The following ATRNL1 variants were observed in gnomAD, a reference collection of about 807,000 sequenced individuals.
The protein encoded by ATRNL1 is attractin like 1, also known as attractin-like protein 1.
Under a neutral mutation model 182.7 loss-of-function variants are expected in ATRNL1, and 95 were observed. The ratio of observed to expected loss-of-function variants is 0.52; its 90% CI spans 0.44 to 0.62. The LOEUF is 0.62. Ranked by LOEUF, ATRNL1 falls within the 20% of genes least tolerant of loss-of-function variation. The probability of loss-of-function intolerance (pLI) is 0.00; values close to 1 mark genes in which losing one functional copy is unlikely to be tolerated. For synonymous variants in ATRNL1, 576 were observed against 568.3 expected (o/e 1.01, Z -0.19); for missense variants, 1,471 against 1,679.5 (o/e 0.88, Z 2.17).
intron 19 of ATRNL1, among the ~76,000 whole-genome samples, chr10:115,369,834 G>A (rs150836530): frequency 2.0e-5 from 3 of 152,158 alleles, no homozygotes; most frequent in Non-Finnish European, 2.9e-5. Context: ...AAATGATGTG[G>A]AATATCTTTT....
intron 28 of ATRNL1, among the ~76,000 whole-genome samples, chr10:115,910,998 ATTAT>A (rs543879907): frequency 6.6e-6 from 1 of 151,864 alleles, no homozygotes; most frequent in African/African-American, 2.4e-5. Context: ...TGTATTTTTC[ATTAT>A]TTATTTATTT....
At chr10:115,824,409 A>AAAACC (rs1950377176) in intron 27 of ATRNL1, among the ~76,000 whole-genome samples, 1 of 152,212 alleles carries the variant, frequency 6.6e-6, no homozygotes, top group Admixed American at 6.5e-5. Context: ...AATGGCAACA[A>AAAACC]AAACCAAAAC....
intron 19 of ATRNL1, among the ~76,000 whole-genome samples, chr10:115,337,677 T>A (rs567316077): frequency 6.6e-6 from 1 of 152,210 alleles, no homozygotes; most frequent in Non-Finnish European, 1.5e-5. Flanking sequence ...TTATTTCACT[T>A]AACATAGTGA....
At chr10:115,760,522 A>G (rs1203273292) in intron 27 of ATRNL1, among the ~76,000 whole-genome samples, 1 of 152,166 alleles carries the variant, frequency 6.6e-6, no homozygotes, top group Non-Finnish European at 1.5e-5. Context: ...AGTAGAGCAC[A>G]TTATTTCCTA....
Position 115,549,467 on chromosome 10 carries a change from A to G in ATRNL1, c.3726A>G (p.Leu1242=), listed in dbSNP as rs782448078. 5 of 1,598,424 alleles carry G rather than the reference A, an allele frequency of 3.1e-6. No individual in the cohort carries two copies. Among genetic ancestry groups the G allele is most frequent in the South Asian group, 2.3e-5 (2 of 88,302 alleles). ...GTGTTTTATTTTCCAGTTGTTTCCTATCCTTATTGCTGGTGGCTGCTGTGG... is the reference window on the plus strand; with the variant it reads ...GTGTTTTATTTTCCAGTTGTTTCCTGTCCTTATTGCTGGTGGCTGCTGTGG... ...QFFVTFFSCF[L]SLLLVAAVVW... The change falls in exon 26 of 29, where the codon CTA becomes CTG. Residue 1242 remains leucine, a synonymous_variant. Transcript: ENST00000355044.
At chr10:115,410,216 A>G (rs929355879) in intron 20 of ATRNL1, among the ~76,000 whole-genome samples, 3 of 151,894 alleles carry the variant, frequency 2.0e-5, no homozygotes, top group Non-Finnish European at 2.9e-5. Flanking sequence ...TGGTTTTGGT[A>G]TCAGGGTTAA....
At chr10:115,890,099 T>G (rs1952043891) in intron 28 of ATRNL1, among the ~76,000 whole-genome samples, 2 of 152,188 alleles carry the variant, frequency 1.3e-5, no homozygotes, top group Non-Finnish European at 2.9e-5. Flanking sequence ...TATGCTTAGT[T>G]TTATGTACAG....
At chr10:115,388,625 G>T (rs1843797566) in intron 19 of ATRNL1, among the ~76,000 whole-genome samples, 1 of 151,520 alleles carries the variant, frequency 6.6e-6, no homozygotes, top group African/African-American at 2.4e-5. Flanking sequence ...ATTATTGATA[G>T]GTTATTTTTT....
At chr10:115,137,169 G>A (rs1347374243) in intron 5 of ATRNL1, among the ~76,000 whole-genome samples, 1 of 152,136 alleles carries the variant, frequency 6.6e-6, no homozygotes, top group Admixed American at 6.5e-5. Context: ...TCCAGCCTGG[G>A]CAACAAGAAT....
At chr10:115,370,677 A>T (rs781891255) in intron 19 of ATRNL1, among the ~76,000 whole-genome samples, 1 of 152,362 alleles carries the variant, frequency 6.6e-6, no homozygotes, top group African/African-American at 2.4e-5. Context: ...AAAGGCATTC[A>T]GTTTTAAAAG....
intron 27 of ATRNL1, among the ~76,000 whole-genome samples, chr10:115,834,889 GT>G (rs1565421424): frequency 1.3e-5 from 2 of 152,252 alleles, no homozygotes; most frequent in East Asian, 3.9e-4. Context: ...TGTTGCAGTA[GT>G]TTTTACAACT....
chr10:115,401,846 C>A (rs1844578702), intron 20 of ATRNL1, among the ~76,000 whole-genome samples: 1 of 152,100 alleles, frequency 6.6e-6, no homozygotes, highest in Non-Finnish European at 1.5e-5. Flanking sequence ...CATGTAGTTT[C>A]TACCGCATAC....
chr10:115,288,843 T>C (rs868945555), intron 15 of ATRNL1, among the ~76,000 whole-genome samples: 5 of 152,262 alleles, frequency 3.3e-5, no homozygotes, highest in Middle Eastern at 6.8e-3. Flanking sequence ...TTTTGGGAGA[T>C]GTCTGTTCAG....
Position 115,215,855 on chromosome 10 carries a change from A to G in ATRNL1, c.1507A>G (p.Lys503Glu). 1 of 1,575,878 alleles carries G rather than the reference A, an allele frequency of 6.3e-7. No individual in the cohort carries two copies. Among genetic ancestry groups the G allele is most frequent in the Non-Finnish European group, 8.6e-7 (1 of 1,166,262 alleles). Residue 503 changes from lysine (K) to glutamate (E), a missense_variant, in exon 9 of 29, where the codon AAA becomes GAA. Around this residue, in one of 3 missense-constraint regions of ATRNL1, gnomAD observed 1,031 missense variants for 1,156.0 expected, o/e 0.89. Transcript: ENST00000355044. Reference protein sequence around the residue: ...NKYGLVDDLYKYEVNTKTWTI... With the variant: ...NKYGLVDDLYEYEVNTKTWTI... ...ATATGGATTGGTTGATGATCTTTAT[A>G]AATATGAAGTTAACACTAAGACTTG... is the stretch of plus-strand genomic sequence containing the variant.
chr10:115,107,246 G>A (rs1554866240), intron 1 of ATRNL1, among the ~76,000 whole-genome samples: 3 of 152,104 alleles, frequency 2.0e-5, no homozygotes, highest in Non-Finnish European at 4.4e-5. Context: ...CCTTCCAGCT[G>A]TGAGCCTGTG....
chr10:115,363,522 A>G (rs1425874851), intron 19 of ATRNL1, among the ~76,000 whole-genome samples: 5 of 145,240 alleles, frequency 3.4e-5, no homozygotes, highest in East Asian at 4.0e-4. Flanking sequence ...CTTTAGTTTA[A>G]TTAGATCCCA....
chr10:115,101,037 A>G (rs754134805), intron 1 of ATRNL1, among the ~76,000 whole-genome samples: 39 of 152,312 alleles, frequency 2.6e-4, no homozygotes, highest in Non-Finnish European at 5.0e-4. Flanking sequence ...TATTATACTG[A>G]AACACAACTG....
intron 26 of ATRNL1, among the ~76,000 whole-genome samples, chr10:115,701,075 A>C (rs1418006563): frequency 6.6e-6 from 1 of 152,064 alleles, no homozygotes; most frequent in Non-Finnish European, 1.5e-5. Context: ...AGTCTCAATA[A>C]ATTTTTGAAA....
At chr10:115,543,250 C>G (rs1028905695) in intron 25 of ATRNL1, among the ~76,000 whole-genome samples, 2 of 152,216 alleles carry the variant, frequency 1.3e-5, no homozygotes, top group Admixed American at 6.5e-5. Flanking sequence ...TTACCACATT[C>G]AGCCACTGGG....
Sources: allele counts gnomAD v4.1 joint callset (sites outside exome capture counted in the v4.1 genomes callset), GRCh38; gene constraint gnomAD v4.1.1; regional missense constraint gnomAD v4.1.1; transcripts MANE v1.5; gene names NCBI Gene and HGNC (gene_info 2026-07-23, HGNC 2026-07-21).